TLK1: variants seen among roughly 807,000 people sequenced by gnomAD.
TLK1 encodes the protein tousled like kinase 1, also known as serine/threonine-protein kinase tousled-like 1.
Under a neutral mutation model 105.3 loss-of-function variants are expected in TLK1, and 24 were observed. The ratio of observed to expected loss-of-function variants is 0.23; its 90% CI spans 0.17 to 0.32. TLK1 has a LOEUF of 0.32. Among genes scored for constraint, TLK1 ranks in the 10% least tolerant of loss-of-function variants. TLK1 has a pLI of 1.00. For synonymous variants in TLK1, 321 were observed against 310.4 expected, an observed-to-expected ratio of 1.03 and a Z score of -0.36; for missense variants, 558 against 910.5, an observed-to-expected ratio of 0.61 and a Z score of 4.98.
Position 171,046,245 on chromosome 2 carries a change from T to C in TLK1, c.1098A>G (p.Pro366=). The C allele has an allele frequency of 6.2e-7, 1 of 1,613,412 alleles. No individual in the cohort carries two copies. Among genetic ancestry groups the C allele is most frequent in the Non-Finnish European group, 8.5e-7 (1 of 1,179,602 alleles). ...TGACTGCTTTGTTTTTCCTTTGTTT[T>C]GGTTCAGAATTGGTAGAGGGTGCCT... The part of the protein sequence containing the change: ...NSQAPSTNSE[P]KQRKNKAVNG... The change falls in exon 11 of 21, where the codon CCA becomes CCG. Residue 366 remains proline (P), a synonymous_variant. Coordinates refer to ENST00000431350, the MANE Select transcript of TLK1 (RefSeq NM_012290.5).
chr2:171,084,168 A>T (rs980908837), intron 2 of TLK1, among the ~76,000 whole-genome samples: 4 of 152,194 alleles, frequency 2.6e-5, no homozygotes, highest in African/African-American at 9.7e-5. Context: ...AAAGAAACAG[A>T]TGTCTGATAA....
intron 2 of TLK1, among the ~76,000 whole-genome samples, chr2:171,103,978 C>G (rs1377602513): frequency 6.6e-6 from 1 of 152,116 alleles, no homozygotes; most frequent in Non-Finnish European, 1.5e-5. Context: ...AATGAACTAG[C>G]AGAAAAAGAA....
chr2:171,207,365 G>T (rs563814974), intron 1 of TLK1, among the ~76,000 whole-genome samples: 1 of 152,218 alleles, frequency 6.6e-6, no homozygotes, highest in Non-Finnish European at 1.5e-5. Flanking sequence ...ACATTTAAAA[G>T]ATCAGTAAGT....
At chr2:171,214,714 A>G (rs1373467050) in intron 1 of TLK1, among the ~76,000 whole-genome samples, 1 of 152,240 alleles carries the variant, frequency 6.6e-6, no homozygotes, top group African/African-American at 2.4e-5. Context: ...CCAATGTATG[A>G]TAAGAACTTA....
intron 1 of TLK1, among the ~76,000 whole-genome samples, chr2:171,129,830 A>AAT (rs1340746994): frequency 7.0e-5 from 10 of 142,582 alleles, no homozygotes; most frequent in Non-Finnish European, 1.5e-4. Flanking sequence ...TAGGTTACCA[A>AAT]ATAACATAAC....
At chr2:171,120,526 A>T (rs1185926778) in intron 1 of TLK1, among the ~76,000 whole-genome samples, 5 of 152,238 alleles carry the variant, frequency 3.3e-5, no homozygotes, top group African/African-American at 1.2e-4. Context: ...ATGACCAATA[A>T]GCACATGAAA....
chr2:171,066,050 T>G (rs915239749), intron 3 of TLK1, among the ~76,000 whole-genome samples: 1 of 152,220 alleles, frequency 6.6e-6, no homozygotes, highest in Non-Finnish European at 1.5e-5. Context: ...CCATGAAATA[T>G]GCACATCCGA....
At chr2:171,025,407 G>A (rs924557767) in intron 12 of TLK1, among the ~76,000 whole-genome samples, 6 of 152,174 alleles carry the variant, frequency 3.9e-5, no homozygotes, top group Non-Finnish European at 7.4e-5. Context: ...TGCTAAGAAA[G>A]TTAGTCTAAT....
chr2:171,041,265 TCCTA>T (rs1686661130), intron 11 of TLK1, among the ~76,000 whole-genome samples: 1 of 152,196 alleles, frequency 6.6e-6, no homozygotes, highest in Non-Finnish European at 1.5e-5. Flanking sequence ...ATGCATTACC[TCCTA>T]CCATCTTTTC....
At chr2:171,140,515 A>C (rs915116522) in intron 1 of TLK1, among the ~76,000 whole-genome samples, 1 of 152,172 alleles carries the variant, frequency 6.6e-6, no homozygotes, top group African/African-American at 2.4e-5. Context: ...CCAGACAAAA[A>C]TGAGACCCTG....
At chr2:171,011,734 T>A (rs1002148172) in intron 13 of TLK1, among the ~76,000 whole-genome samples, 1 of 152,194 alleles carries the variant, frequency 6.6e-6, no homozygotes, top group Non-Finnish European at 1.5e-5. Context: ...AATTACTGCA[T>A]TGCCAAGAGC....
At chr2:171,119,702 C>A (rs1164086558) in intron 1 of TLK1, among the ~76,000 whole-genome samples, 1 of 152,146 alleles carries the variant, frequency 6.6e-6, no homozygotes, top group Non-Finnish European at 1.5e-5. Context: ...AGTAAGAACA[C>A]CAACACCATT....
intron 3 of TLK1, among the ~76,000 whole-genome samples, chr2:171,075,631 AATT>A (rs1688466427): frequency 2.0e-5 from 3 of 152,210 alleles, no homozygotes; most frequent in Admixed American, 1.3e-4. Flanking sequence ...CTCCAACATT[AATT>A]ATTAAAAATG....
In TLK1 at chr2:171,056,467, T is replaced by G; in HGVS notation, c.549+4A>C. 2 of 1,610,374 alleles carry G rather than the reference T, an allele frequency of 1.2e-6. No homozygotes were observed. ...ACACATGAAAAACTTGAAAGATGAC[T>G]TACAGATGAGGAAGGAGTGGAATGT... On this transcript the variant is annotated splice_donor_region_variant and intron_variant, in intron 6 of 20. Coordinates refer to ENST00000431350, the MANE Select transcript of TLK1 (RefSeq NM_012290.5).
At chr2:171,159,100 T>A (rs1692347992) in intron 1 of TLK1, among the ~76,000 whole-genome samples, 1 of 152,212 alleles carries the variant, frequency 6.6e-6, no homozygotes, top group South Asian at 2.1e-4. Context: ...CTAGCAAATA[T>A]CGACAGATAT....
rs71401403 is a variant in TLK1 at position 171,101,346 on chromosome 2, C to CAAAA, written c.258+16389_258+16392dup. Among the ~76,000 whole-genome samples, 15 of 63,492 alleles carry CAAAA rather than the reference C, an allele frequency of 2.4e-4. 1 individual carries two copies. Among genetic ancestry groups the CAAAA allele is most frequent in the African/African-American group, 1.1e-3 (15 of 13,844 alleles). The allele number at this position is 63,492 out of a possible 152,430, so 41.7% of individuals were successfully genotyped here. On this transcript the variant is annotated intron_variant, in intron 2 of 20. Transcript: ENST00000431350. Reference sequence around the variant, plus strand: ...GGACAACAAGAGTGAAACTCCGTCTCAAAAAAAAAAAAAAAAAAAGCCAGG... The same window carrying CAAAA: ...GGACAACAAGAGTGAAACTCCGTCTCAAAAAAAAAAAAAAAAAAAAAAAGCCAGG...
At position 170,993,122 on chromosome 2, in the gene TLK1, T is replaced by C. The variant is rs757211200; in HGVS notation, c.*658A>G. The C allele has an allele frequency of 6.7e-4, 102 of 152,650 alleles. 1 individual carries two copies. Among genetic ancestry groups the C allele is most frequent in the Non-Finnish European group, 9.4e-4 (64 of 68,034 alleles). 9.5% of individuals were successfully genotyped at this position (152,650 alleles called of 1,614,324 possible). On this transcript the variant is annotated 3_prime_UTR_variant, in exon 21 of 21. Transcript: ENST00000431350. The stretch of plus-strand genomic sequence containing the variant: ...AAAGGTGTAAAGTATTTAGAAATAA[T>C]AGCTCTCCCTTTAATATAACCAGTG...
chr2:171,151,249 G>A (rs1228702787), intron 1 of TLK1, among the ~76,000 whole-genome samples: 3 of 151,624 alleles, frequency 2.0e-5, no homozygotes, highest in African/African-American at 7.3e-5. Context: ...GAACTCCTGC[G>A]CTCAAGCCAT....
chr2:171,091,330 C>T (rs548070080), intron 2 of TLK1, among the ~76,000 whole-genome samples: 1 of 152,160 alleles, frequency 6.6e-6, no homozygotes, highest in East Asian at 1.9e-4. Flanking sequence ...AATAGATGCC[C>T]CCATCTAACC....
Sources: allele counts gnomAD v4.1 joint callset (sites outside exome capture counted in the v4.1 genomes callset), GRCh38; gene constraint gnomAD v4.1.1; transcripts MANE v1.5; gene names NCBI Gene and HGNC (gene_info 2026-07-23, HGNC 2026-07-21).